COL4A5: variants seen among roughly 807,000 people sequenced by gnomAD.
The protein encoded by COL4A5 is collagen type IV alpha 5 chain.
In COL4A5, 26 loss-of-function variants were observed where a neutral mutation model predicts 130.2. That is an observed-to-expected ratio of 0.20 (90% CI 0.15 to 0.28). The LOEUF (loss-of-function observed/expected upper bound fraction) is 0.28. Among genes scored for constraint, COL4A5 ranks in the 10% least tolerant of loss-of-function variants. COL4A5 has a pLI of 1.00. For missense variants in COL4A5, 1,131 were observed against 1,344.3 expected (o/e 0.84, Z 2.48); for synonymous variants, 496 against 439.6 (o/e 1.13, Z -1.60).
chrX:108,519,572 T>C (rs1211025435), intron 1 of COL4A5, among the ~76,000 whole-genome samples: 1 of 111,448 alleles, frequency 9.0e-6, no homozygotes, highest in Admixed American at 9.5e-5. Context: ...TGTGTTACTG[T>C]TTTTAATTAA....
At chrX:108,640,810 C>T (rs2067449465) in intron 36 of COL4A5, among the ~76,000 whole-genome samples, 2 of 111,886 alleles carry the variant, frequency 1.8e-5, no homozygotes, top group Non-Finnish European at 3.8e-5. Flanking sequence ...TTGATTTAAT[C>T]ATTTCACAAT....
At chrX:108,561,853 G>A (rs1300965371) in intron 3 of COL4A5, among the ~76,000 whole-genome samples, 1 of 111,539 alleles carries the variant, frequency 9.0e-6, no homozygotes, top group Non-Finnish European at 1.9e-5. Flanking sequence ...ATTACATCAG[G>A]TAGTTTTGTT....
chrX:108,575,735 G>A (rs1355554745), intron 9 of COL4A5, among the ~76,000 whole-genome samples, 175 bp from the exon 10 acceptor site: 1 of 112,062 alleles, frequency 8.9e-6, no homozygotes, highest in Non-Finnish European at 1.9e-5. Flanking sequence ...TACTCAGGAG[G>A]CTGAGGCAGG....
At chrX:108,689,545 C>G in intron 49 of COL4A5, 3 of 754,312 alleles carry the variant, frequency 4.0e-6, no homozygotes, top group Non-Finnish European at 4.7e-6. Flanking sequence ...AGGCCTCAGA[C>G]ACAGGAAGGC....
chrX:108,596,096 T>C (rs751211382), intron 22 of COL4A5, among the ~76,000 whole-genome samples: 30 of 111,858 alleles, frequency 2.7e-4, no homozygotes, highest in African/African-American at 9.4e-4. Context: ...ATATGTGATA[T>C]CTGTCAGACC....
At chrX:108,493,994 T>C (rs994266704) in intron 1 of COL4A5, among the ~76,000 whole-genome samples, 7 of 111,647 alleles carry the variant, frequency 6.3e-5, no homozygotes, top group African/African-American at 2.3e-4. Context: ...TATTTTGATA[T>C]TGCCTGATGC....
At chrX:108,637,688 T>A (rs2067382733) in intron 36 of COL4A5, among the ~76,000 whole-genome samples, 1 of 111,489 alleles carries the variant, frequency 9.0e-6, no homozygotes, top group Admixed American at 9.5e-5. Context: ...ATAACCTGGA[T>A]GAAATGGGCA....
chrX:108,675,646 A>G (rs943991561), intron 43 of COL4A5, among the ~76,000 whole-genome samples: 3 of 111,532 alleles, frequency 2.7e-5, no homozygotes, highest in Non-Finnish European at 5.7e-5. Context: ...ATGTAAAACA[A>G]TTGTTGTACT....
At chrX:108,585,574 ATTTC>A (rs1307907190) in intron 18 of COL4A5, among the ~76,000 whole-genome samples, 1 of 111,311 alleles carries the variant, frequency 9.0e-6, no homozygotes, top group African/African-American at 3.3e-5. Flanking sequence ...TTGTGTGAAT[ATTTC>A]TTATATCCAT....
chrX:108,578,924 C>T (rs749428977), intron 13 of COL4A5, among the ~76,000 whole-genome samples: 108 of 111,017 alleles, frequency 9.7e-4, no homozygotes, highest in African/African-American at 2.8e-3. Context: ...GTGATCTGCC[C>T]GCCTCGGCCT....
At chrX:108,570,406 A>G (rs1049180492) in intron 6 of COL4A5, among the ~76,000 whole-genome samples, 7 of 111,558 alleles carry the variant, frequency 6.3e-5, no homozygotes, top group African/African-American at 2.3e-4. Flanking sequence ...TGAAGGGCCA[A>G]TGTATCTATA....
At chrX:108,653,203 A>G (rs190155413) in intron 36 of COL4A5, among the ~76,000 whole-genome samples, 248 of 111,474 alleles carry the variant, frequency 2.2e-3, no homozygotes, top group African/African-American at 7.9e-3. Flanking sequence ...CTTGGTTTGA[A>G]GGAGTAGGGC....
At chrX:108,665,637 A>G in intron 38 of COL4A5, 50 bp downstream of exon 38, 1 of 930,002 alleles carries the variant, frequency 1.1e-6, no homozygotes, top group African/African-American at 1.9e-5. Flanking sequence ...AATGTTTATC[A>G]TATTAAGTTT....
intron 36 of COL4A5, among the ~76,000 whole-genome samples, chrX:108,641,988 G>A (rs946828480): frequency 1.1e-4 from 12 of 111,753 alleles, no homozygotes; most frequent in Non-Finnish European, 7.5e-5. Context: ...GGTAGCCTGC[G>A]GCAAGTTCTC....
At chrX:108,566,442 G>A (rs188902833) in intron 4 of COL4A5, among the ~76,000 whole-genome samples, 20 of 110,434 alleles carry the variant, frequency 1.8e-4, no homozygotes, top group Admixed American at 1.7e-3. Flanking sequence ...GCTCATCCTT[G>A]GCATTTCCCC....
intron 1 of COL4A5, among the ~76,000 whole-genome samples, chrX:108,513,500 C>T (rs2065196676): frequency 9.0e-6 from 1 of 111,543 alleles, no homozygotes; most frequent in Non-Finnish European, 1.9e-5. Context: ...ATGTCGAGCC[C>T]TTTTCATGTG....
In COL4A5 at chrX:108,692,956, C is replaced by G. The variant is rs368325844; in HGVS notation, c.4706+31C>G. ...GCATTGATTTAGCTGTGACTTTTAC[C>G]AATCCCCAGTTAGTTAGCTAGTCAG... On this transcript the variant is annotated intron_variant, in intron 50 of 52. Coordinates refer to ENST00000328300, the MANE Select transcript of COL4A5 (RefSeq NM_033380.3). 5.8e-6 allele frequency: 7 copies of G among 1,198,365 alleles called. No homozygotes were observed. The African/African-American group carries it at 8.8e-5, about 15-fold the overall frequency.
intron 1 of COL4A5, among the ~76,000 whole-genome samples, chrX:108,497,752 A>G (rs767608647): frequency 8.9e-6 from 1 of 111,739 alleles, no homozygotes; most frequent in African/African-American, 3.2e-5. Flanking sequence ...GATCTCTATT[A>G]TCTCTGATAG....
chrX:108,540,600 A>G (rs1485595203), intron 2 of COL4A5, among the ~76,000 whole-genome samples: 1 of 110,987 alleles, frequency 9.0e-6, no homozygotes, highest in East Asian at 2.9e-4. Context: ...GTAGGCATGC[A>G]CCACCATGCC....
Sources: gnomAD v4.1 joint callset for allele counts (sites outside exome capture counted in the v4.1 genomes callset) on GRCh38, gnomAD v4.1.1 for gene constraint, MANE v1.5 for transcripts, NCBI Gene and HGNC (gene_info 2026-07-23, HGNC 2026-07-21) for gene names.